Variants in NEO1 observed in about 807,000 individuals in gnomAD.
The protein encoded by NEO1 is neogenin.
In NEO1, 63 loss-of-function variants were observed where a neutral mutation model predicts 159.7. That is an observed-to-expected ratio of 0.39 (90% confidence interval 0.32 to 0.49). NEO1 has a LOEUF of 0.49. Among genes scored for constraint, NEO1 ranks in the 20% least tolerant of loss-of-function variants. The pLI is 0.85. For synonymous variants in NEO1, 633 were observed against 662.0 expected, an observed-to-expected ratio of 0.96 and a Z score of 0.67; for missense variants, 1,615 against 1,831.0, an observed-to-expected ratio of 0.88 and a Z score of 2.15.
chr15:73,236,843 A>G (rs35560407), intron 8 of NEO1, among the ~76,000 whole-genome samples: 13 of 152,210 alleles, frequency 8.5e-5, no homozygotes, highest in Non-Finnish European at 1.9e-4. Context: ...ACTTAAATGA[A>G]TATTTGCCAC....
At chr15:73,279,732 G>A (rs1272465067) in intron 22 of NEO1, among the ~76,000 whole-genome samples, 2 of 152,134 alleles carry the variant, frequency 1.3e-5, no homozygotes, top group African/African-American at 2.4e-5. Context: ...ACCTGATAAA[G>A]GGAAAGCTTC....
intron 9 of NEO1, among the ~76,000 whole-genome samples, chr15:73,247,819 T>A (rs544810617): frequency 6.6e-6 from 1 of 152,304 alleles, no homozygotes; most frequent in East Asian, 1.9e-4. Flanking sequence ...CTGGAACCTG[T>A]CAGTCAGACA....
At chr15:73,066,402 C>G (rs2068226272) in intron 1 of NEO1, among the ~76,000 whole-genome samples, 2 of 149,838 alleles carry the variant, frequency 1.3e-5, no homozygotes, top group South Asian at 4.3e-4. Flanking sequence ...CTTTAACCCA[C>G]TCCAGCATGT....
intron 7 of NEO1, among the ~76,000 whole-genome samples, chr15:73,208,190 A>G (rs1403008987): frequency 6.6e-6 from 1 of 152,236 alleles, no homozygotes. Flanking sequence ...CAAGTCTTAA[A>G]ATTCATGTCA....
At chr15:73,081,121 C>G (rs1258759765) in intron 1 of NEO1, among the ~76,000 whole-genome samples, 1 of 152,008 alleles carries the variant, frequency 6.6e-6, no homozygotes, top group Non-Finnish European at 1.5e-5. Flanking sequence ...AAGGGCGTTG[C>G]TGTAACTTGG....
At chr15:73,225,109 C>A (rs1366325382) in intron 7 of NEO1, among the ~76,000 whole-genome samples, 1 of 152,116 alleles carries the variant, frequency 6.6e-6, no homozygotes, top group Non-Finnish European at 1.5e-5. Flanking sequence ...CTATCCAGCT[C>A]CAGGCTGGTA....
rs150999346 is a variant in NEO1, at chr15:73,127,222, C to T, written c.878+652C>T. On this transcript the variant is annotated intron_variant, in intron 4 of 28. Coordinates refer to ENST00000261908, the MANE Select transcript of NEO1 (RefSeq NM_002499.4). Reference sequence around the variant, plus strand: ...CTCTAGCCTGGGCGAGAGACCTAGACGCCGTCTCAAAAAAAAAAAAAAGAA... The same window carrying T: ...CTCTAGCCTGGGCGAGAGACCTAGATGCCGTCTCAAAAAAAAAAAAAAGAA... Among the ~76,000 whole-genome samples, 785 of 142,398 alleles carry T rather than the reference C, an allele frequency of 5.5e-3. 11 individuals carry two copies. Among genetic ancestry groups the T allele is most frequent in the African/African-American group, 0.021 (755 of 35,446 alleles). 93.4% of individuals were successfully genotyped at this position (142,398 alleles called of 152,430 possible).
intron 1 of NEO1, among the ~76,000 whole-genome samples, chr15:73,097,905 G>A (rs915052711): frequency 1.3e-5 from 2 of 149,100 alleles, no homozygotes; most frequent in Non-Finnish European, 3.0e-5. Context: ...TAAGTGAAGT[G>A]AGCTAGGAAA....
At chr15:73,053,454 G>T (rs1168370841) in intron 1 of NEO1, among the ~76,000 whole-genome samples, 1 of 152,210 alleles carries the variant, frequency 6.6e-6, no homozygotes, top group African/African-American at 2.4e-5. Context: ...TTTCCGTTAT[G>T]AAATGCCTCT....
chr15:73,220,606 T>G (rs1028361808), intron 7 of NEO1, among the ~76,000 whole-genome samples: 1 of 152,224 alleles, frequency 6.6e-6, no homozygotes, highest in African/African-American at 2.4e-5. Context: ...GTCCCATATT[T>G]CTTGGAGGAT....
intron 18 of NEO1, among the ~76,000 whole-genome samples, chr15:73,272,111 T>A (rs1175703960): frequency 1.3e-5 from 2 of 152,216 alleles, no homozygotes; most frequent in Non-Finnish European, 2.9e-5. Flanking sequence ...CTTTCAAATT[T>A]TCTACAAATA....
chr15:73,208,747 A>G (rs926896646), intron 7 of NEO1, among the ~76,000 whole-genome samples: 1 of 152,174 alleles, frequency 6.6e-6, no homozygotes, highest in Non-Finnish European at 1.5e-5. Context: ...CTGTAGTCCC[A>G]GCTGCTCAGG....
intron 5 of NEO1, among the ~76,000 whole-genome samples, chr15:73,138,907 A>G (rs1391495474): frequency 6.6e-6 from 1 of 152,206 alleles, no homozygotes; most frequent in African/African-American, 2.4e-5. Flanking sequence ...TCAATAGAGT[A>G]TGGCAGAAGT....
intron 2 of NEO1, among the ~76,000 whole-genome samples, chr15:73,119,755 C>T (rs1025354421): frequency 2.0e-5 from 3 of 152,186 alleles, no homozygotes; most frequent in Admixed American, 1.3e-4. Context: ...CTCTTGTCTG[C>T]CAATTCTCCA....
In NEO1 at chr15:73,069,368, T is replaced by C. The variant is rs183095074; in HGVS notation, c.130+16563T>C. Among the ~76,000 whole-genome samples the C allele has an allele frequency of 4.6e-3, 703 of 152,088 alleles. 3 individuals are homozygous for C. Among genetic ancestry groups the C allele is most frequent in the Non-Finnish European group, 4.0e-3 (275 of 67,992 alleles). ...GATGTCAGCACGTTCTTTGATCTTA[T>C]ATACCTGTTATTGAGGCAGAGATAC... On this transcript the variant is annotated intron_variant, in intron 1 of 28. Coordinates refer to ENST00000261908, the MANE Select transcript of NEO1 (RefSeq NM_002499.4).
chr15:73,120,749 G>A (rs935781367), intron 2 of NEO1, among the ~76,000 whole-genome samples: 1 of 151,918 alleles, frequency 6.6e-6, no homozygotes, highest in African/African-American at 2.4e-5. Context: ...AAGTGGTGGT[G>A]TTGGGATTCA....
At chr15:73,149,936 A>G (rs1024639554) in intron 5 of NEO1, among the ~76,000 whole-genome samples, 7 of 152,194 alleles carry the variant, frequency 4.6e-5, no homozygotes, top group African/African-American at 1.4e-4. Flanking sequence ...TATTGTTGCT[A>G]TCAAACACAG....
At chr15:73,118,300 T>A (rs1237403313) in intron 2 of NEO1, among the ~76,000 whole-genome samples, 1 of 152,140 alleles carries the variant, frequency 6.6e-6, no homozygotes, top group African/African-American at 2.4e-5. Context: ...GAGTACTCTT[T>A]CTCACCCTTC....
chr15:73,168,859 TG>T (rs1366715189), intron 5 of NEO1, among the ~76,000 whole-genome samples: 1 of 151,946 alleles, frequency 6.6e-6, no homozygotes, highest in Non-Finnish European at 1.5e-5. Context: ...GTTAAATGCT[TG>T]GTTTTTATTT....
Sources: allele counts gnomAD v4.1 joint callset (sites outside exome capture counted in the v4.1 genomes callset), GRCh38; gene constraint gnomAD v4.1.1; transcripts MANE v1.5; gene names NCBI Gene and HGNC (gene_info 2026-07-23, HGNC 2026-07-21).